The following NAA15 variants were observed in gnomAD, a reference collection of about 807,000 sequenced individuals.
NAA15 encodes N-terminal acetyltransferase.
In NAA15, 34 loss-of-function variants were observed where a neutral mutation model predicts 114.0. The observed-to-expected ratio is 0.30, with a 90% CI of 0.23 to 0.40. NAA15 has a LOEUF of 0.40. Ranked by LOEUF, NAA15 falls within the 10% of genes least tolerant of loss-of-function variation. The probability of loss-of-function intolerance (pLI) is 1.00; values close to 1 mark genes in which losing one functional copy is unlikely to be tolerated. For missense variants in NAA15, 658 were observed against 1,004.5 expected, an observed-to-expected ratio of 0.66 and a Z score of 4.66; for synonymous variants, 340 against 338.0, an observed-to-expected ratio of 1.01 and a Z score of -0.06.
intron 9 of NAA15, 59 bp from the exon 10 acceptor site, chr4:139,353,967 A>T: frequency 7.4e-7 from 1 of 1,346,072 alleles, no homozygotes; most frequent in South Asian, 1.2e-5. Context: ...CACATTTTGC[A>T]TAAGAATAGT....
At chr4:139,315,001 T>TTTAGTTTAGTTTAGTTTAGG (rs1553992507) in intron 1 of NAA15, among the ~76,000 whole-genome samples, 3,544 of 73,996 alleles carry the variant, frequency 0.048, 247 homozygotes, top group Middle Eastern at 0.069. Context: ...TTCAGTTCAG[T>TTTAGTTTAGTTTAGTTTAGG]TTAGTTTAGG....
intron 1 of NAA15, among the ~76,000 whole-genome samples, chr4:139,333,629 C>A (rs955827841): frequency 1.4e-4 from 22 of 152,302 alleles, no homozygotes; most frequent in African/African-American, 5.3e-4. Flanking sequence ...GTTATCCCAG[C>A]CCCTGGGGAG....
intron 1 of NAA15, among the ~76,000 whole-genome samples, chr4:139,324,108 T>C (rs1224406365): frequency 6.6e-6 from 1 of 152,158 alleles, no homozygotes; most frequent in African/African-American, 2.4e-5. Context: ...TGTCTGGAAC[T>C]CCTGCTCAAG....
rs17050753 is a variant in NAA15 at position 139,380,813 on chromosome 4, C to T, written c.2155+1959C>T. Among the ~76,000 whole-genome samples, 777 of 152,192 alleles carry T rather than the reference C, an allele frequency of 5.1e-3. 11 individuals are homozygous for T. The highest frequency in any genetic ancestry group is 0.018 in the African/African-American group (744 of 41,526). ...ACTGCTTCATTGCCTTTATTGAAAA[C>T]GGGTGTACTATAAAGGCATATGTGA... is the stretch of plus-strand genomic sequence containing the variant. On this transcript the variant is annotated intron_variant, in intron 17 of 19. Coordinates refer to ENST00000296543, the MANE Select transcript of NAA15 (RefSeq NM_057175.5).
intron 6 of NAA15, among the ~76,000 whole-genome samples, chr4:139,348,368 C>T (rs897093984): frequency 6.6e-6 from 1 of 150,678 alleles, no homozygotes; most frequent in African/African-American, 2.4e-5. Context: ...GTGGTAGGAT[C>T]GCTTTAGGAG....
At chr4:139,346,248 G>T (rs560285124) in intron 6 of NAA15, among the ~76,000 whole-genome samples, 10 of 152,152 alleles carry the variant, frequency 6.6e-5, no homozygotes, top group Admixed American at 6.5e-5. Context: ...TAAATGTGTA[G>T]ATGTAATGCA....
chr4:139,304,638 T>C (rs924164985), intron 1 of NAA15, among the ~76,000 whole-genome samples: 1 of 152,264 alleles, frequency 6.6e-6, no homozygotes, highest in Non-Finnish European at 1.5e-5. Flanking sequence ...TTTAAAAATT[T>C]GTATTTTTTA....
At position 139,351,558 on chromosome 4, in the gene NAA15, G is replaced by A. The variant is rs768382425; in HGVS notation, c.961G>A (p.Gly321Ser). The part of the protein sequence containing the change: ...DKFLRMNFSK[G>S]CPPVFNTLRS... ...GTTCCTAAGGATGAATTTCAGCAAG[G>A]GTTGCCCACCAGTCTTCAATACTTT... is the stretch of plus-strand genomic sequence containing the variant. The change falls in exon 9 of 20, where the codon GGT (glycine) becomes AGT (serine). Residue 321 changes from glycine (G) to serine (S), a missense_variant. Gly to Ser is a moderately conservative substitution (Grantham distance 56, BLOSUM62 0). Around this residue, in one of 6 missense-constraint regions of NAA15, gnomAD observed 281 missense variants for 389.1 expected, o/e 0.72. Transcript: ENST00000296543. 1 of 1,608,422 alleles carries A rather than the reference G, an allele frequency of 6.2e-7. No homozygotes were observed. Among genetic ancestry groups the A allele is most frequent in the South Asian group, 1.1e-5 (1 of 90,920 alleles).
intron 11 of NAA15, among the ~76,000 whole-genome samples, 195 bp downstream of exon 11, chr4:139,357,750 T>A (rs1267620762): frequency 1.3e-5 from 2 of 152,216 alleles, no homozygotes; most frequent in Admixed American, 1.3e-4. Flanking sequence ...TTTATCTATA[T>A]CCGTATACAC....
chr4:139,352,434 G>A (rs756287279), intron 9 of NAA15, among the ~76,000 whole-genome samples: 1 of 151,654 alleles, frequency 6.6e-6, no homozygotes, highest in Non-Finnish European at 1.5e-5. Context: ...TTAATTTTTA[G>A]ATTATTTTGG....
chr4:139,382,711 T>A (rs1224480117), intron 17 of NAA15, among the ~76,000 whole-genome samples: 1 of 152,166 alleles, frequency 6.6e-6, no homozygotes, highest in Non-Finnish European at 1.5e-5. Context: ...AAAACCAAGT[T>A]GAAAGTACAG....
intron 1 of NAA15, among the ~76,000 whole-genome samples, chr4:139,323,159 C>T (rs781772301): frequency 8.0e-5 from 12 of 149,806 alleles, no homozygotes; most frequent in Non-Finnish European, 1.5e-4. Context: ...TGGGTTCAAG[C>T]GATTCTCCTG....
intron 1 of NAA15, among the ~76,000 whole-genome samples, chr4:139,321,438 A>G (rs1277749868): frequency 6.7e-6 from 1 of 150,346 alleles, no homozygotes; most frequent in East Asian, 1.9e-4. Context: ...CACTGGGATT[A>G]CAAACTTGAG....
chr4:139,356,802 A>T (rs73854523), intron 10 of NAA15, among the ~76,000 whole-genome samples: 3,142 of 152,144 alleles, frequency 0.021, 89 homozygotes, highest in African/African-American at 0.07. Flanking sequence ...AAATATAAAA[A>T]TTTTTTTACT....
intron 1 of NAA15, among the ~76,000 whole-genome samples, chr4:139,314,363 T>C (rs1283518062): frequency 2.0e-5 from 3 of 151,940 alleles, no homozygotes; most frequent in African/African-American, 7.3e-5. Context: ...CTAGAGTTTC[T>C]AATAGATGAA....
chr4:139,308,241 A>T (rs113780682), intron 1 of NAA15, among the ~76,000 whole-genome samples: 2 of 152,154 alleles, frequency 1.3e-5, no homozygotes, highest in African/African-American at 2.4e-5. Flanking sequence ...GATTACAGGC[A>T]TGAACCACCG....
At chr4:139,359,495 T>C (rs1748068211) in intron 11 of NAA15, among the ~76,000 whole-genome samples, 1 of 152,250 alleles carries the variant, frequency 6.6e-6, no homozygotes, top group African/African-American at 2.4e-5. Flanking sequence ...GCAATGGCGA[T>C]ATTAACAGTA....
chr4:139,325,114 C>T (rs113553045), intron 1 of NAA15, among the ~76,000 whole-genome samples: 3 of 82,068 alleles, frequency 3.7e-5, no homozygotes, highest in African/African-American at 1.2e-4. Flanking sequence ...ATTCAAGGGG[C>T]GGGGGGTTTA....
intron 1 of NAA15, among the ~76,000 whole-genome samples, chr4:139,316,847 A>AC (rs1560954043): frequency 8.2e-6 from 1 of 121,840 alleles, no homozygotes; most frequent in Non-Finnish European, 1.7e-5. Context: ...ACCTCCCCCC[A>AC]CCCCCCGCCA....
Sources: gnomAD v4.1 joint callset for allele counts (sites outside exome capture counted in the v4.1 genomes callset) on GRCh38, gnomAD v4.1.1 for gene constraint, gnomAD v4.1.1 regional missense constraint, MANE v1.5 for transcripts, NCBI Gene and HGNC (gene_info 2026-07-23, HGNC 2026-07-21) for gene names.